The following PRR5L variants were observed in gnomAD, a reference collection of about 807,000 sequenced individuals.
PRR5L encodes proline rich 5 like.
Under a neutral mutation model 36.4 loss-of-function variants are expected in PRR5L, and 21 were observed. The ratio of observed to expected loss-of-function variants is 0.58; its 90% confidence interval spans 0.41 to 0.83. The LOEUF is 0.83. Among genes scored for constraint, PRR5L ranks in the 40% least tolerant of loss-of-function variants. PRR5L has a pLI of 0.00. For synonymous variants in PRR5L, 188 were observed against 197.0 expected (o/e 0.95, Z 0.38); for missense variants, 381 against 473.3 (o/e 0.80, Z 1.81).
intron 1 of PRR5L, among the ~76,000 whole-genome samples, chr11:36,341,788 G>T (rs1856819500): frequency 6.6e-6 from 1 of 152,172 alleles, no homozygotes; most frequent in Admixed American, 6.5e-5. Flanking sequence ...GGGCTCTGTG[G>T]TGTTTACCTG....
intron 6 of PRR5L, among the ~76,000 whole-genome samples, chr11:36,442,969 C>T (rs1197588956): frequency 1.3e-5 from 2 of 152,214 alleles, no homozygotes; most frequent in African/African-American, 2.4e-5. Flanking sequence ...AGAGCTGCTT[C>T]CACACCTTCA....
chr11:36,423,456 T>C (rs1160123718), intron 4 of PRR5L, among the ~76,000 whole-genome samples: 1 of 152,108 alleles, frequency 6.6e-6, no homozygotes. Context: ...GGGACAAAGG[T>C]AGGACTTCTA....
intron 1 of PRR5L, among the ~76,000 whole-genome samples, chr11:36,392,696 G>C (rs1857586586): frequency 6.6e-6 from 1 of 151,948 alleles, no homozygotes. Flanking sequence ...ACAATCATGG[G>C]GGAAGGCAAA....
At chr11:36,302,847 G>T (rs1253545750) in intron 1 of PRR5L, among the ~76,000 whole-genome samples, 2 of 152,194 alleles carry the variant, frequency 1.3e-5, no homozygotes, top group African/African-American at 2.4e-5. Context: ...CAGTTGCTAG[G>T]ATCTGGCAGC....
intron 1 of PRR5L, among the ~76,000 whole-genome samples, chr11:36,374,780 CAT>C (rs1451534379): frequency 3.9e-5 from 6 of 152,222 alleles, no homozygotes; most frequent in African/African-American, 1.4e-4. Flanking sequence ...TCCCCATTTT[CAT>C]ATGAGTAAAC....
intron 2 of PRR5L, among the ~76,000 whole-genome samples, chr11:36,402,054 C>T (rs1857809044): frequency 6.6e-6 from 1 of 152,158 alleles, no homozygotes; most frequent in Non-Finnish European, 1.5e-5. Flanking sequence ...GAAGAGGAGG[C>T]ACAGAGTTTT....
intron 1 of PRR5L, among the ~76,000 whole-genome samples, chr11:36,328,433 T>A (rs1372929215): frequency 6.6e-6 from 1 of 152,150 alleles, no homozygotes; most frequent in African/African-American, 2.4e-5. Context: ...TTTGGTTGTT[T>A]AAAAGTGAGT....
chr11:36,367,133 A>G (rs547693170), intron 1 of PRR5L, among the ~76,000 whole-genome samples: 1 of 152,278 alleles, frequency 6.6e-6, no homozygotes, highest in Non-Finnish European at 1.5e-5. Context: ...CTGTATTTCC[A>G]TATTCTCAGA....
chr11:36,398,476 G>A (rs1056171652), intron 1 of PRR5L: 1 of 152,336 alleles, frequency 6.6e-6, no homozygotes, highest in Non-Finnish European at 1.5e-5. Context: ...GTGCTGCTCT[G>A]GGGAGGTCTC....
chr11:36,359,008 C>T (rs752132443), intron 1 of PRR5L, among the ~76,000 whole-genome samples: 18 of 152,180 alleles, frequency 1.2e-4, no homozygotes, highest in Non-Finnish European at 1.8e-4. Context: ...TTTTCAGTAA[C>T]GTGGACCCAC....
chr11:36,377,098 G>T lies in PRR5L; in HGVS notation c.-125-23899G>T, dbSNP rs1857277637. ...TGTTTGACTCTCTCGTTCTCCCTCT[G>T]GGGGGCAAATCTAAAGAGCTGACCC... is the stretch of plus-strand genomic sequence containing the variant. On this transcript the variant is annotated intron_variant, in intron 1 of 8. Coordinates refer to ENST00000530639, the MANE Select transcript of PRR5L (RefSeq NM_001160167.2). The surrounding 1 kb of genome is among the most constrained non-coding windows in gnomAD (Gnocchi z 5.1). 6.6e-6 allele frequency among the ~76,000 whole-genome samples: 1 copy of T among 152,288 alleles called. No homozygotes were observed. Among genetic ancestry groups the T allele is most frequent in the African/African-American group, 2.4e-5 (1 of 41,580 alleles).
At chr11:36,349,620 C>T (rs983485091) in intron 1 of PRR5L, among the ~76,000 whole-genome samples, 4 of 152,190 alleles carry the variant, frequency 2.6e-5, no homozygotes, top group Admixed American at 2.6e-4. Flanking sequence ...ATGAGCCTAC[C>T]CCAGCCTCTC....
intron 1 of PRR5L, among the ~76,000 whole-genome samples, chr11:36,391,496 A>G (rs1006140214): frequency 6.6e-6 from 1 of 152,188 alleles, no homozygotes; most frequent in Admixed American, 6.5e-5. Context: ...TGTAACTGCC[A>G]CCGAATTTCC....
At chr11:36,415,862 G>C (rs1326865664) in intron 3 of PRR5L, among the ~76,000 whole-genome samples, 1 of 152,240 alleles carries the variant, frequency 6.6e-6, no homozygotes, top group African/African-American at 2.4e-5. Context: ...CCTTCATATA[G>C]TAATACAGAC....
Position 36,462,343 on chromosome 11 carries a change from C to T in PRR5L, c.714C>T (p.Ala238=). 1.3e-6 allele frequency: 2 copies of T among 1,489,562 alleles called. No individual in the cohort carries two copies. The highest frequency in any genetic ancestry group is 1.8e-6 in the Non-Finnish European group (2 of 1,119,948). The allele number at this position is 1,489,562 out of a possible 1,614,324, so 92.3% of individuals were successfully genotyped here. The part of the protein sequence containing the change: ...RSFSGPTYTL[A]RRHSRVRPKV... ...TCTTTGCTGATTTTTCTCTTGCAGC[C>T]AGGCGGCACTCCAGGGTCCGGCCCA... The change falls in exon 9 of 9, where the codon GCC becomes GCT. Residue 238 remains alanine, a splice_region_variant and synonymous_variant. Transcript: ENST00000530639.
intron 4 of PRR5L, among the ~76,000 whole-genome samples, chr11:36,427,980 C>T (rs1054318085): frequency 8.5e-5 from 13 of 152,300 alleles, no homozygotes; most frequent in Admixed American, 3.3e-4. Context: ...GGAGAGTGGG[C>T]GAGAGGTCCC....
intron 1 of PRR5L, among the ~76,000 whole-genome samples, chr11:36,384,917 C>T (rs1394655128): frequency 6.6e-6 from 1 of 151,950 alleles, no homozygotes; most frequent in Non-Finnish European, 1.5e-5. Context: ...GGGATTCTCC[C>T]ACTTTGGCCT....
chr11:36,307,500 C>G (rs991338662), intron 1 of PRR5L, among the ~76,000 whole-genome samples: 1 of 152,170 alleles, frequency 6.6e-6, no homozygotes. Flanking sequence ...TTCTTTCCAC[C>G]TCTCTGCTCT....
chr11:36,322,686 A>G (rs1273107127), intron 1 of PRR5L, among the ~76,000 whole-genome samples: 1 of 152,202 alleles, frequency 6.6e-6, no homozygotes, highest in African/African-American at 2.4e-5. Flanking sequence ...ACATAACCTG[A>G]GGCAGCCCTT....
Sources: allele counts gnomAD v4.1 joint callset (sites outside exome capture counted in the v4.1 genomes callset), GRCh38; gene constraint gnomAD v4.1.1; non-coding constraint Gnocchi (gnomAD v3.1); transcripts MANE v1.5; gene names NCBI Gene and HGNC (gene_info 2026-07-23, HGNC 2026-07-21).